Variants in ZFYVE16 observed in about 807,000 individuals in gnomAD.
ZFYVE16 encodes the protein zinc finger FYVE-type containing 16, also known as zinc finger FYVE domain-containing protein 16.
In ZFYVE16, 89 loss-of-function variants were observed where a neutral mutation model predicts 138.1. The observed-to-expected ratio is 0.64, with a 90% CI of 0.54 to 0.77. The LOEUF is 0.77. Among genes scored for constraint, ZFYVE16 ranks in the 30% least tolerant of loss-of-function variants. The pLI is 0.00. For missense variants in ZFYVE16, 1,793 were observed against 1,786.7 expected, an observed-to-expected ratio of 1.00 and a Z score of -0.06; for synonymous variants, 596 against 618.3, an observed-to-expected ratio of 0.96 and a Z score of 0.53.
At chr5:80,451,401 T>C in intron 10 of ZFYVE16, 84 bp from the exon 11 acceptor site, 10 of 1,076,076 alleles carry the variant, frequency 9.3e-6, no homozygotes, top group Non-Finnish European at 1.3e-5. Context: ...GATCAGTTTT[T>C]TGGATTTTGG....
intron 1 of ZFYVE16, among the ~76,000 whole-genome samples, chr5:80,421,930 A>G (rs1747260227): frequency 2.6e-5 from 4 of 152,226 alleles, no homozygotes; most frequent in Admixed American, 2.6e-4. Context: ...ATCCAAGAGC[A>G]TAGAATGTTC....
In ZFYVE16 at chr5:80,448,220, A is replaced by G. The variant is rs201166773; in HGVS notation, c.2919A>G (p.Ala973=). The G allele has an allele frequency of 6.2e-7, 1 of 1,613,896 alleles. No homozygotes were observed. Among genetic ancestry groups the G allele is most frequent in the Non-Finnish European group, 8.5e-7 (1 of 1,179,904 alleles). ...TTACACTAGATGATGATGTTTTTGC[A>G]GAAACTGAAGAACCATCTAGTCCTA... The part of the protein sequence containing the change: ...GSFTLDDDVF[A]ETEEPSSPTG... Residue 973 remains alanine (A), a synonymous_variant, in exon 8 of 19, where the codon GCA becomes GCG. Coordinates refer to ENST00000505560, the MANE Select transcript of ZFYVE16 (RefSeq NM_001284236.3).
At chr5:80,445,846 T>C (rs1751276264) in intron 7 of ZFYVE16, among the ~76,000 whole-genome samples, 1 of 149,882 alleles carries the variant, frequency 6.7e-6, no homozygotes, top group Non-Finnish European at 1.5e-5. Context: ...TCCCATCTCA[T>C]CCTCCTGAGT....
chr5:80,453,705 G>C (rs891556174), intron 11 of ZFYVE16, among the ~76,000 whole-genome samples: 19 of 152,172 alleles, frequency 1.2e-4, no homozygotes, highest in African/African-American at 4.1e-4. Flanking sequence ...GATGTGAACT[G>C]TGTGTGTGTC....
chr5:80,435,633 G>A, intron 3 of ZFYVE16: 1 of 327,916 alleles, frequency 3.0e-6, no homozygotes, highest in Non-Finnish European at 6.0e-6. Flanking sequence ...CAATGGTGCA[G>A]TCATAGCTCA....
At chr5:80,459,682 A>T (rs1324252213) in intron 15 of ZFYVE16, among the ~76,000 whole-genome samples, 188 bp downstream of exon 15, 4 of 152,204 alleles carry the variant, frequency 2.6e-5, no homozygotes, top group African/African-American at 7.2e-5. Context: ...CCCAGGAATT[A>T]GTGAGTAGAC....
Position 80,437,011 on chromosome 5 carries a change from G to T in ZFYVE16, c.326G>T (p.Gly109Val), listed in dbSNP as rs1228485036. Residue 109 changes from glycine to valine, a missense_variant, in exon 4 of 19, where the codon GGT (glycine) becomes GTT (valine). Transcript: ENST00000505560. ...GLDLLSSVDGGTSDEIQPLYM... is the reference protein window; with the variant it reads ...GLDLLSSVDGVTSDEIQPLYM... ...GATCTTCTTTCTTCTGTGGATGGTG[G>T]TACTTCAGATGAAATCCAGCCGTTA... 1 of 1,614,144 alleles carries T rather than the reference G, an allele frequency of 6.2e-7. No individual in the cohort carries two copies. The highest frequency in any genetic ancestry group is 2.2e-5 in the East Asian group (1 of 44,878).
rs1755037416 is a variant in ZFYVE16, at chr5:80,477,585, C to T, written c.*208C>T. ...TTTAAGAGATCCATACTTTCTGTAG[C>T]TTTACAATTAATTTAAGTACTAAAA... On this transcript the variant is annotated 3_prime_UTR_variant, in exon 19 of 19. Coordinates refer to ENST00000505560, the MANE Select transcript of ZFYVE16 (RefSeq NM_001284236.3). 1 of 383,880 alleles carries T rather than the reference C, an allele frequency of 2.6e-6. No homozygotes were observed. Among genetic ancestry groups the T allele is most frequent in the East Asian group, 4.4e-5 (1 of 22,668 alleles). 23.8% of individuals were successfully genotyped at this position (383,880 alleles called of 1,614,324 possible).
Position 80,445,262 on chromosome 5 carries a change from G to T in ZFYVE16, c.2582-1G>T. ...TGTTTTACTTTTTCAATTGATTCTA[G>T]GACTATGTTCCAAAGAACAGAAGAG... On this transcript the variant is annotated splice_acceptor_variant, in intron 6 of 18. Transcript: ENST00000505560. LOFTEE classifies it high-confidence loss of function. The T allele has an allele frequency of 6.2e-7, 1 of 1,611,880 alleles. No homozygotes were observed. Among genetic ancestry groups the T allele is most frequent in the South Asian group, 1.1e-5 (1 of 90,520 alleles).
rs202183615 is a variant in ZFYVE16 at position 80,436,911 on chromosome 5, A to C, written c.226A>C (p.Asn76His). ...CTCATCAGAAACAAGCTATGGAACA[A>C]ATGAGAGTTCCCTGAATGAAAAAAC... ...CASSETSYGT[N>H]ESSLNEKTLK... Residue 76 changes from asparagine to histidine, a missense_variant, in exon 4 of 19, where the codon AAT becomes CAT. Asn to His is a moderately conservative substitution (Grantham distance 68, BLOSUM62 1). Coordinates refer to ENST00000505560, the MANE Select transcript of ZFYVE16 (RefSeq NM_001284236.3). 8 of 1,614,166 alleles carry C rather than the reference A, an allele frequency of 5.0e-6. No homozygotes were observed. The highest frequency in any genetic ancestry group is 6.8e-6 in the Non-Finnish European group (8 of 1,180,018).
intron 15 of ZFYVE16, among the ~76,000 whole-genome samples, chr5:80,467,068 T>C (rs1231728495): frequency 6.6e-6 from 1 of 152,184 alleles, no homozygotes; most frequent in Non-Finnish European, 1.5e-5. Context: ...TGGAAGACCC[T>C]ACTTACAAGG....
Position 80,456,573 on chromosome 5 carries a change from T to G in ZFYVE16, c.3795+8T>G, listed in dbSNP as rs1420601585. ...CGGAAAAAGTACAGTGATGTAAGTA[T>G]AATTGTTTTATTCAAATGACAATTA... On this transcript the variant is annotated splice_region_variant and intron_variant, in intron 13 of 18. Transcript: ENST00000505560. 6.3e-7 allele frequency: 1 copy of G among 1,592,666 alleles called. No individual in the cohort carries two copies. Among genetic ancestry groups the G allele is most frequent in the Non-Finnish European group, 8.6e-7 (1 of 1,164,788 alleles).
rs386404254 is a variant in ZFYVE16, at chr5:80,427,971, C to CAAAAAAA, written c.-40+445_-40+451dup. Among the ~76,000 whole-genome samples the CAAAAAAA allele has an allele frequency of 2.0e-3, 95 of 48,018 alleles. 15 individuals are homozygous for CAAAAAAA. The highest frequency in any genetic ancestry group is 2.8e-3 in the African/African-American group (24 of 8,544). 31.5% of individuals were successfully genotyped at this position (48,018 alleles called of 152,430 possible). A position where few individuals can be genotyped will look rare whatever the true frequency, so the allele number is the denominator to read the frequency against. The stretch of plus-strand genomic sequence containing the variant: ...TGCGTGACAGAGCGAGACTCCATCT[C>CAAAAAAA]AAAAAAAAAAAAAAAAAAAAAAAAA... On this transcript the variant is annotated intron_variant, in intron 2 of 18. Coordinates refer to ENST00000505560, the MANE Select transcript of ZFYVE16 (RefSeq NM_001284236.3).
At chr5:80,470,171 G>A (rs1335836456) in intron 15 of ZFYVE16, among the ~76,000 whole-genome samples, 4 of 139,272 alleles carry the variant, frequency 2.9e-5, no homozygotes, top group Non-Finnish European at 4.6e-5. Flanking sequence ...GCGCAATCTC[G>A]GCTCACTGGA....
chr5:80,436,730 C>T lies in ZFYVE16; in HGVS notation c.71-26C>T, dbSNP rs368508680. The T allele has an allele frequency of 3.7e-5, 57 of 1,554,626 alleles. No homozygotes were observed. The Middle Eastern group carries it at 6.9e-4, about 19-fold the overall frequency. ...TAATTTTTATTTGATTTAAGTCTCC[C>T]GAATAACACTGTTTCTCTATTTCAG... On this transcript the variant is annotated intron_variant, in intron 3 of 18. Coordinates refer to ENST00000505560, the MANE Select transcript of ZFYVE16 (RefSeq NM_001284236.3).
At position 80,439,958 on chromosome 5, in the gene ZFYVE16, A is replaced by T; in HGVS notation, c.2345A>T (p.Asn782Ile). Residue 782 changes from asparagine to isoleucine, a missense_variant, in exon 5 of 19, where the codon AAT becomes ATT. Coordinates refer to ENST00000505560, the MANE Select transcript of ZFYVE16 (RefSeq NM_001284236.3). ...CGKVFCGVCCNRKCKLQYLEK... is the reference protein window; with the variant it reads ...CGKVFCGVCCIRKCKLQYLEK... ...TAGGTATTTTGTGGTGTCTGTTGTA[A>T]TAGGAAGTGTAAACTGCAATATCTA... is the stretch of plus-strand genomic sequence containing the variant. 6.2e-7 allele frequency: 1 copy of T among 1,610,380 alleles called. No homozygotes were observed. The highest frequency in any genetic ancestry group is 8.5e-7 in the Non-Finnish European group (1 of 1,178,254).
At chr5:80,477,148 T>C in intron 18 of ZFYVE16, 71 bp from the exon 19 acceptor site, 1 of 1,247,290 alleles carries the variant, frequency 8.0e-7, no homozygotes, top group South Asian at 1.5e-5. Flanking sequence ...AATATTTCAC[T>C]TATTTTATAT....
chr5:80,457,779 G>A (rs1338837754), intron 14 of ZFYVE16, among the ~76,000 whole-genome samples: 1 of 152,006 alleles, frequency 6.6e-6, no homozygotes, highest in African/African-American at 2.4e-5. Flanking sequence ...TGTAATCCCA[G>A]AACTTTGGGA....
Position 80,480,627 on chromosome 5 carries a change from CAT to C in ZFYVE16, c.*3252_*3253del, listed in dbSNP as rs1310667816. ...AACAGAATAAACTAGAAAATCCACA[CAT>C]AGACACATAATAAGGCCAGGTGCAG... On this transcript the variant is annotated 3_prime_UTR_variant, in exon 19 of 19. Transcript: ENST00000505560. Among the ~76,000 whole-genome samples, 4 of 152,090 alleles carry C rather than the reference CAT, an allele frequency of 2.6e-5. No individual in the cohort carries two copies. The highest frequency in any genetic ancestry group is 4.4e-5 in the Non-Finnish European group (3 of 68,002).
Sources: gnomAD v4.1 joint callset for allele counts (sites outside exome capture counted in the v4.1 genomes callset) on GRCh38, gnomAD v4.1.1 for gene constraint, MANE v1.5 for transcripts, NCBI Gene and HGNC (gene_info 2026-07-23, HGNC 2026-07-21) for gene names.